BMPR1B: variants seen among roughly 807,000 people sequenced by gnomAD.
BMPR1B encodes the protein bone morphogenetic protein receptor type-1B.
Under a neutral mutation model 59.1 loss-of-function variants are expected in BMPR1B, and 12 were observed. The observed-to-expected ratio is 0.20, with a 90% CI of 0.13 to 0.33. The LOEUF (loss-of-function observed/expected upper bound fraction) is 0.33, where lower values mean the gene tolerates loss of function less well. Among genes scored for constraint, BMPR1B ranks in the 10% least tolerant of loss-of-function variants. The pLI is 1.00. For missense variants in BMPR1B, 550 were observed against 610.9 expected, an observed-to-expected ratio of 0.90 and a Z score of 1.05; for synonymous variants, 237 against 207.3, an observed-to-expected ratio of 1.14 and a Z score of -1.23.
intron 1 of BMPR1B, among the ~76,000 whole-genome samples, chr4:94,820,509 T>A (rs2110653492): frequency 6.6e-6 from 1 of 152,282 alleles, no homozygotes; most frequent in Non-Finnish European, 1.5e-5. Flanking sequence ...GTTCCATGGA[T>A]AAGTATTTTA....
chr4:94,881,050 A>G (rs1316359369), intron 2 of BMPR1B, among the ~76,000 whole-genome samples: 1 of 152,156 alleles, frequency 6.6e-6, no homozygotes, highest in Non-Finnish European at 1.5e-5. Context: ...ATTGTGGCAA[A>G]ATGTGTATAC....
Position 95,131,508 on chromosome 4 carries a change from A to C in BMPR1B, c.1072A>C (p.Ile358Leu). ...IADLGLAVKF[I>L]SDTNEVDIPP... ...TGACCTGGGCCTGGCTGTTAAATTT[A>C]TTAGGTTAGTATCAAAGTGAACAAA... is the stretch of plus-strand genomic sequence containing the variant. Residue 358 changes from isoleucine (I) to leucine (L), a missense_variant, in exon 10 of 13, where the codon ATT becomes CTT. Ile to Leu is a conservative substitution (Grantham distance 5). Around this residue, in one of 6 missense-constraint regions of BMPR1B, gnomAD observed 318 missense variants for 284.6 expected, o/e 1.12. Coordinates refer to ENST00000515059, the MANE Select transcript of BMPR1B (RefSeq NM_001203.3). The C allele has an allele frequency of 4.3e-6, 7 of 1,614,004 alleles. No homozygotes were observed. The highest frequency in any genetic ancestry group is 5.1e-6 in the Non-Finnish European group (6 of 1,179,938).
chr4:95,100,659 C>G (rs763690731), intron 3 of BMPR1B, among the ~76,000 whole-genome samples: 1 of 152,084 alleles, frequency 6.6e-6, no homozygotes, highest in Non-Finnish European at 1.5e-5. Context: ...GTCTCTCTTT[C>G]TAGAGCTAAT....
chr4:94,965,779 T>A (rs1730532966), intron 2 of BMPR1B, among the ~76,000 whole-genome samples: 1 of 136,644 alleles, frequency 7.3e-6, no homozygotes, highest in Non-Finnish European at 1.5e-5. Flanking sequence ...TGTGTGAGAG[T>A]GTATGTGTTC....
intron 3 of BMPR1B, among the ~76,000 whole-genome samples, chr4:95,057,868 T>C (rs927167483): frequency 6.6e-6 from 1 of 152,206 alleles, no homozygotes; most frequent in Non-Finnish European, 1.5e-5. Context: ...TTAATATTTC[T>C]CACTTGAACT....
chr4:95,069,128 A>G (rs1579024464), intron 3 of BMPR1B, among the ~76,000 whole-genome samples: 1 of 152,216 alleles, frequency 6.6e-6, no homozygotes, highest in Non-Finnish European at 1.5e-5. Flanking sequence ...TATCGACACC[A>G]TTAAGTGAGG....
chr4:95,132,243 T>TA (rs1733413587), intron 10 of BMPR1B, among the ~76,000 whole-genome samples: 1 of 152,322 alleles, frequency 6.6e-6, no homozygotes, highest in African/African-American at 2.4e-5. Context: ...AATCATCGTA[T>TA]AACTACCTTT....
intron 2 of BMPR1B, among the ~76,000 whole-genome samples, chr4:94,952,428 T>A (rs1002903563): frequency 6.6e-6 from 1 of 152,206 alleles, no homozygotes; most frequent in East Asian, 1.9e-4. Context: ...AACACTTCTT[T>A]AGCTGTGTCC....
chr4:95,154,704 A>C lies in BMPR1B; in HGVS notation c.*31A>C. 1 of 1,613,186 alleles carries C rather than the reference A, an allele frequency of 6.2e-7. No individual in the cohort carries two copies. On this transcript the variant is annotated 3_prime_UTR_variant, in exon 13 of 13. Transcript: ENST00000515059. ...GAGGAAAAGTAAGCATCTCTGCAGA[A>C]AGCCAACAGGTACTCTTCTGTTTGT... is the stretch of plus-strand genomic sequence containing the variant.
chr4:95,096,957 TA>T, intron 3 of BMPR1B, among the ~76,000 whole-genome samples: 1 of 143,798 alleles, frequency 7.0e-6, no homozygotes, highest in Non-Finnish European at 1.5e-5. Flanking sequence ...TAAAGTTATA[TA>T]ACTTTATTAT....
rs531033118 is a variant in BMPR1B at position 95,029,936 on chromosome 4, A to G, written c.-18+33802A>G. On this transcript the variant is annotated intron_variant, in intron 3 of 12. Coordinates refer to ENST00000515059, the MANE Select transcript of BMPR1B (RefSeq NM_001203.3). ...CTTCTTTTGAGAAGTGTCTGTTCATATCCTTTGCCCACTTTTTGATGGGGT... is the reference window on the plus strand; with the variant it reads ...CTTCTTTTGAGAAGTGTCTGTTCATGTCCTTTGCCCACTTTTTGATGGGGT... Among the ~76,000 whole-genome samples, 790 of 152,052 alleles carry G rather than the reference A, an allele frequency of 5.2e-3. 6 individuals carry two copies. Among genetic ancestry groups the G allele is most frequent in the African/African-American group, 0.018 (744 of 41,472 alleles).
At chr4:94,883,922 T>C (rs184054413) in intron 2 of BMPR1B, among the ~76,000 whole-genome samples, 101 of 152,302 alleles carry the variant, frequency 6.6e-4, no homozygotes, top group African/African-American at 2.3e-3. Context: ...TTTAACAGAA[T>C]ACTCAATTCC....
chr4:95,135,829 C>T (rs571994497), intron 10 of BMPR1B, among the ~76,000 whole-genome samples: 1 of 152,168 alleles, frequency 6.6e-6, no homozygotes, highest in African/African-American at 2.4e-5. Context: ...TTAACTTCCT[C>T]TTTTCCTAAT....
At chr4:94,854,055 A>G (rs1254707195) in intron 1 of BMPR1B, among the ~76,000 whole-genome samples, 11 of 152,108 alleles carry the variant, frequency 7.2e-5, no homozygotes, top group Non-Finnish European at 1.5e-5. Flanking sequence ...AGTTGAAGGA[A>G]AGTAACTGTT....
intron 10 of BMPR1B, among the ~76,000 whole-genome samples, chr4:95,140,215 A>T (rs1037409212): frequency 6.6e-6 from 1 of 152,138 alleles, no homozygotes; most frequent in Non-Finnish European, 1.5e-5. Context: ...AGTAGATAAC[A>T]TGCATTTTTC....
At chr4:94,931,228 T>C (rs780812343) in intron 2 of BMPR1B, among the ~76,000 whole-genome samples, 8 of 152,106 alleles carry the variant, frequency 5.3e-5, no homozygotes, top group Admixed American at 1.3e-4. Context: ...GGCCTGTTAT[T>C]TTTATGAACC....
chr4:94,766,831 TGCAGTGATTTCTG>T (rs2110563740), intron 1 of BMPR1B, among the ~76,000 whole-genome samples: 1 of 152,272 alleles, frequency 6.6e-6, no homozygotes, highest in Admixed American at 6.5e-5. Context: ...ATCCAAGACA[TGCAGTGATTTCTG>T]GCCTTCAGAT....
At chr4:95,063,090 A>G (rs1727521794) in intron 3 of BMPR1B, among the ~76,000 whole-genome samples, 1 of 152,124 alleles carries the variant, frequency 6.6e-6, no homozygotes, top group Non-Finnish European at 1.5e-5. Flanking sequence ...GATTGTTTTT[A>G]TTATTTCTCT....
At chr4:94,906,990 C>A (rs2522533) in intron 2 of BMPR1B, among the ~76,000 whole-genome samples, 9 of 151,958 alleles carry the variant, frequency 5.9e-5, no homozygotes, top group Non-Finnish European at 1.2e-4. Context: ...CTTCCTGTCT[C>A]CATATAGATA....
Sources: gnomAD v4.1 joint callset for allele counts (sites outside exome capture counted in the v4.1 genomes callset) on GRCh38, gnomAD v4.1.1 for gene constraint, gnomAD v4.1.1 regional missense constraint, MANE v1.5 for transcripts, NCBI Gene and HGNC (gene_info 2026-07-23, HGNC 2026-07-21) for gene names.